CEP112: variants seen among roughly 807,000 people sequenced by gnomAD.
CEP112 encodes the protein centrosomal protein 112.
A neutral mutation model predicts 153.0 loss-of-function variants in CEP112; 127 were observed. That is an observed-to-expected ratio of 0.83 (90% CI 0.72 to 0.96). CEP112 has a LOEUF of 0.96. Among genes scored for constraint, CEP112 ranks in the 40% least tolerant of loss-of-function variants. The pLI, the probability that CEP112 is intolerant of heterozygous loss-of-function variation, is 0.00. For synonymous variants in CEP112, 358 were observed against 374.4 expected, an observed-to-expected ratio of 0.96 and a Z score of 0.51; for missense variants, 1,089 against 1,101.2, an observed-to-expected ratio of 0.99 and a Z score of 0.16.
At chr17:66,182,486 GAA>G (rs2072760110) in intron 2 of CEP112, 1 of 152,116 alleles carries the variant, frequency 6.6e-6, no homozygotes, top group African/African-American at 2.4e-5. Context: ...GCAACTTACA[GAA>G]AGTAAAAGCC....
At chr17:65,755,109 C>G (rs923156135) in intron 21 of CEP112, among the ~76,000 whole-genome samples, 3 of 151,922 alleles carry the variant, frequency 2.0e-5, no homozygotes, top group African/African-American at 7.3e-5. Context: ...AAAAAAAATA[C>G]AAATAAAAAT....
chr17:66,127,038 G>A (rs1485166906), intron 6 of CEP112, among the ~76,000 whole-genome samples: 3 of 152,042 alleles, frequency 2.0e-5, no homozygotes, highest in Non-Finnish European at 4.4e-5. Context: ...CCTGATTAAT[G>A]CCTATATGGT....
At chr17:66,148,024 T>C (rs1568547024) in intron 4 of CEP112, among the ~76,000 whole-genome samples, 1 of 152,204 alleles carries the variant, frequency 6.6e-6, no homozygotes, top group Admixed American at 6.5e-5. Context: ...GGATACTGTA[T>C]TAGTCTGTTT....
chr17:66,135,928 G>A (rs1435758076), intron 4 of CEP112, among the ~76,000 whole-genome samples: 1 of 152,100 alleles, frequency 6.6e-6, no homozygotes, highest in Non-Finnish European at 1.5e-5. Flanking sequence ...AATTACTTTA[G>A]GGGGTGACGT....
intron 21 of CEP112, among the ~76,000 whole-genome samples, chr17:65,821,065 C>T (rs1052192985): frequency 6.6e-6 from 1 of 151,416 alleles, no homozygotes; most frequent in African/African-American, 2.4e-5. Flanking sequence ...CATCTGCACA[C>T]ACTTAAAATG....
At chr17:66,116,471 C>A (rs2069299391) in intron 6 of CEP112, among the ~76,000 whole-genome samples, 1 of 152,000 alleles carries the variant, frequency 6.6e-6, no homozygotes, top group South Asian at 2.1e-4. Context: ...CTTTGATCCT[C>A]AATATCACTT....
chr17:65,895,916 T>C lies in CEP112; in HGVS notation c.2163+6236A>G, dbSNP rs1485530410. Among the ~76,000 whole-genome samples the C allele has an allele frequency of 3.9e-5, 6 of 152,218 alleles. No homozygotes were observed. In the East Asian group the frequency reaches 1.2e-3, roughly 29 times the overall value. ...TTGCAACCCTCCCAGTTCTCACCAC[T>C]GCAGTGATCATATTTTACTCCCTAT... is the stretch of plus-strand genomic sequence containing the variant. On this transcript the variant is annotated intron_variant, in intron 20 of 26. Transcript: ENST00000535342.
intron 18 of CEP112, among the ~76,000 whole-genome samples, chr17:65,957,244 A>C (rs1438463952): frequency 1.3e-5 from 2 of 152,230 alleles, no homozygotes; most frequent in Non-Finnish European, 2.9e-5. Flanking sequence ...AACGTAAAAA[A>C]ATAAAACGCT....
chr17:65,773,424 T>C (rs1395706828), intron 21 of CEP112, among the ~76,000 whole-genome samples: 1 of 149,090 alleles, frequency 6.7e-6, no homozygotes, highest in East Asian at 2.0e-4. Context: ...CATTTTTTTA[T>C]AATACTCATT....
chr17:65,640,680 A>G (rs933656885), intron 25 of CEP112, among the ~76,000 whole-genome samples: 2 of 152,210 alleles, frequency 1.3e-5, no homozygotes, highest in Non-Finnish European at 1.5e-5. Context: ...TACCAAGAAT[A>G]AAAGGATGAG....
chr17:66,168,443 GTGTGTGTATATATGTATA>G (rs879840711), intron 4 of CEP112, among the ~76,000 whole-genome samples: 3 of 145,994 alleles, frequency 2.1e-5, no homozygotes, highest in African/African-American at 7.7e-5. Context: ...GTATATATAT[GTGTGTGTATATATGTATA>G]TGTGTGTGTA....
chr17:65,917,456 A>G (rs2060535503), intron 19 of CEP112, among the ~76,000 whole-genome samples: 1 of 145,336 alleles, frequency 6.9e-6, no homozygotes, highest in Non-Finnish European at 1.5e-5. Flanking sequence ...ATCCATGGTC[A>G]TTTACCACAT....
At chr17:65,912,901 T>C (rs985678072) in intron 19 of CEP112, among the ~76,000 whole-genome samples, 1 of 152,200 alleles carries the variant, frequency 6.6e-6, no homozygotes, top group East Asian at 1.9e-4. Flanking sequence ...TTGTAAAATT[T>C]AGCACTAGTT....
chr17:66,149,903 T>TTTTTTTTTTTTTTTTTC (rs1568549474), intron 4 of CEP112, among the ~76,000 whole-genome samples: 7 of 113,220 alleles, frequency 6.2e-5, no homozygotes, highest in Non-Finnish European at 1.1e-4. Flanking sequence ...TTTTTTTTTT[T>TTTTTTTTTTTTTTTTTC]TTTTTTGAGA....
chr17:65,929,554 CT>C (rs143590897), intron 18 of CEP112, among the ~76,000 whole-genome samples: 1,717 of 152,346 alleles, frequency 0.011, 24 homozygotes, highest in Non-Finnish European at 0.017. Flanking sequence ...CCTAGTCCCC[CT>C]ATCCCTGCTT....
At chr17:65,841,155 T>C (rs2057501655) in intron 21 of CEP112, among the ~76,000 whole-genome samples, 2 of 151,972 alleles carry the variant, frequency 1.3e-5, no homozygotes, top group South Asian at 4.1e-4. Context: ...TGAATATATA[T>C]CCAAAAGAAA....
At chr17:65,674,542 G>A (rs1309280501) in intron 24 of CEP112, among the ~76,000 whole-genome samples, 1 of 152,148 alleles carries the variant, frequency 6.6e-6, no homozygotes, top group Admixed American at 6.5e-5. Context: ...TCACTCAGGA[G>A]GAGTGTCTGA....
At chr17:65,749,373 T>C (rs1221100161) in intron 22 of CEP112, among the ~76,000 whole-genome samples, 2 of 151,994 alleles carry the variant, frequency 1.3e-5, no homozygotes, top group African/African-American at 4.8e-5. Flanking sequence ...CTGGGCGTGG[T>C]GGCGGGCACC....
intron 16 of CEP112, among the ~76,000 whole-genome samples, chr17:66,021,386 C>A (rs141041208): frequency 6.6e-6 from 1 of 152,058 alleles, no homozygotes; most frequent in Non-Finnish European, 1.5e-5. Context: ...ATTGGGATAC[C>A]CCTCCTTCAT....
Sources: allele counts gnomAD v4.1 joint callset (sites outside exome capture counted in the v4.1 genomes callset), GRCh38; gene constraint gnomAD v4.1.1; transcripts MANE v1.5; gene names NCBI Gene and HGNC (gene_info 2026-07-23, HGNC 2026-07-21).